Variants in SLC38A6 observed in about 807,000 individuals in gnomAD.
The protein encoded by SLC38A6 is N system amino acid transporter NAT-1.
Under a neutral mutation model 65.0 loss-of-function variants are expected in SLC38A6, and 73 were observed. The ratio of observed to expected loss-of-function variants is 1.12; its 90% confidence interval spans 0.93 to 1.37. SLC38A6 has a LOEUF of 1.37. SLC38A6 is among the 40% of genes most tolerant of loss of function. The pLI is 0.00. For missense variants in SLC38A6, 561 were observed against 531.1 expected, an observed-to-expected ratio of 1.06 and a Z score of -0.55; for synonymous variants, 183 against 178.8, an observed-to-expected ratio of 1.02 and a Z score of -0.19.
chr14:61,004,481 G>T (rs187493480), intron 3 of SLC38A6: 1 of 152,164 alleles, frequency 6.6e-6, no homozygotes. Context: ...CCAAATAGAC[G>T]CAATAAAAAA....
intron 1 of SLC38A6, 106 bp from the exon 2 acceptor site, chr14:60,982,402 G>A: frequency 7.0e-7 from 1 of 1,430,788 alleles, no homozygotes; most frequent in Non-Finnish European, 9.7e-7. Context: ...TACAAACCCT[G>A]GTGGTTTGCA....
At chr14:61,028,312 A>G (rs1239870631) in intron 5 of SLC38A6, among the ~76,000 whole-genome samples, 2 of 152,156 alleles carry the variant, frequency 1.3e-5, no homozygotes, top group Non-Finnish European at 2.9e-5. Context: ...CAGATAATAA[A>G]TTACATTTTA....
intron 5 of SLC38A6, among the ~76,000 whole-genome samples, chr14:61,028,902 TC>T (rs571233253): frequency 6.6e-6 from 1 of 152,154 alleles, no homozygotes; most frequent in Non-Finnish European, 1.5e-5. Context: ...ATCCTTTTTT[TC>T]CTCAAGTTAA....
At chr14:61,051,276 T>G (rs17097990) in intron 13 of SLC38A6, among the ~76,000 whole-genome samples, 1,578 of 152,280 alleles carry the variant, frequency 0.01, 27 homozygotes, top group African/African-American at 0.036. Context: ...AGTGCCAAGA[T>G]TACAGCAGGG....
At chr14:61,033,224 G>A (rs1460974416) in intron 6 of SLC38A6, among the ~76,000 whole-genome samples, 8 of 151,824 alleles carry the variant, frequency 5.3e-5, no homozygotes, top group African/African-American at 1.9e-4. Context: ...TGATACTCTT[G>A]TTCCATTCCT....
intron 8 of SLC38A6, among the ~76,000 whole-genome samples, chr14:61,039,411 C>T (rs2139747505): frequency 6.6e-6 from 1 of 152,134 alleles, no homozygotes; most frequent in East Asian, 1.9e-4. Flanking sequence ...TGCTCTGTCA[C>T]CCAGGGTGGA....
At chr14:61,071,442 G>A (rs1404926360) in intron 15 of SLC38A6, among the ~76,000 whole-genome samples, 2 of 152,084 alleles carry the variant, frequency 1.3e-5, no homozygotes, top group Admixed American at 6.6e-5. Flanking sequence ...AGTACTTTGG[G>A]AGGCTGAGGT....
intron 3 of SLC38A6, among the ~76,000 whole-genome samples, chr14:61,000,355 C>T (rs2038620393): frequency 6.6e-6 from 1 of 152,312 alleles, no homozygotes; most frequent in East Asian, 1.9e-4. Flanking sequence ...CTTGGGCAGG[C>T]CCAGTGGCTC....
At chr14:60,984,500 T>C (rs528944939) in intron 2 of SLC38A6, among the ~76,000 whole-genome samples, 5 of 151,772 alleles carry the variant, frequency 3.3e-5, no homozygotes, top group Admixed American at 1.3e-4. Flanking sequence ...TAAAAAAGTT[T>C]GGTTTTTATT....
chr14:61,038,168 A>T (rs1312397789), intron 8 of SLC38A6, among the ~76,000 whole-genome samples: 2 of 152,134 alleles, frequency 1.3e-5, no homozygotes, highest in African/African-American at 4.8e-5. Flanking sequence ...AGCATAGATA[A>T]ATTCTCATAA....
intron 3 of SLC38A6, among the ~76,000 whole-genome samples, chr14:60,991,215 A>C (rs988633010): frequency 7.2e-5 from 11 of 152,158 alleles, no homozygotes; most frequent in Non-Finnish European, 1.0e-4. Context: ...TAAAAGCAAA[A>C]ATCATTACAA....
At chr14:61,019,040 A>G (rs950899594) in intron 4 of SLC38A6, among the ~76,000 whole-genome samples, 1 of 152,168 alleles carries the variant, frequency 6.6e-6, no homozygotes, top group African/African-American at 2.4e-5. Flanking sequence ...TCAGGGTTTG[A>G]GAGTAATTGG....
At chr14:61,002,407 A>T (rs1176862490) in intron 3 of SLC38A6, among the ~76,000 whole-genome samples, 1 of 152,216 alleles carries the variant, frequency 6.6e-6, no homozygotes, top group Non-Finnish European at 1.5e-5. Context: ...ATAAGGGTAC[A>T]TTCCCAATGG....
In SLC38A6 at chr14:60,991,797, C is replaced by A. The variant is rs151043152; in HGVS notation, c.310+6994C>A. ...GGAAGGAGGATCTACCTTTCTGTTC[C>A]ATTATTCTTGTGTGTGCCTTCCCCA... On this transcript the variant is annotated intron_variant, in intron 3 of 15. Coordinates refer to ENST00000267488, the MANE Select transcript of SLC38A6 (RefSeq NM_153811.3). Among the ~76,000 whole-genome samples the A allele has an allele frequency of 1.9e-3, 294 of 152,244 alleles. 8 individuals are homozygous for A. In the East Asian group the frequency reaches 0.05, roughly 26 times the overall value.
At chr14:60,983,390 A>G (rs1299411469) in intron 2 of SLC38A6, among the ~76,000 whole-genome samples, 2 of 152,068 alleles carry the variant, frequency 1.3e-5, no homozygotes, top group African/African-American at 4.8e-5. Context: ...ACTTGGGAGG[A>G]CTGCTTGAGC....
At chr14:61,076,937 T>C (rs1025553523) in intron 15 of SLC38A6, among the ~76,000 whole-genome samples, 2 of 152,244 alleles carry the variant, frequency 1.3e-5, no homozygotes, top group Non-Finnish European at 1.5e-5. Flanking sequence ...CATTTCTGTG[T>C]TCTGTGACTT....
At chr14:61,001,093 C>T (rs1165958046) in intron 3 of SLC38A6, among the ~76,000 whole-genome samples, 3 of 152,048 alleles carry the variant, frequency 2.0e-5, no homozygotes, top group Non-Finnish European at 2.9e-5. Flanking sequence ...ATGAGTGGTT[C>T]TAAACTGGAC....
intron 6 of SLC38A6, among the ~76,000 whole-genome samples, chr14:61,036,015 A>C (rs1387248599): frequency 6.6e-6 from 1 of 151,998 alleles, no homozygotes; most frequent in African/African-American, 2.4e-5. Flanking sequence ...TTTATATGAA[A>C]ATTTTAATAT....
intron 6 of SLC38A6, among the ~76,000 whole-genome samples, chr14:61,034,689 T>G (rs1359568306): frequency 6.6e-6 from 1 of 152,178 alleles, no homozygotes; most frequent in African/African-American, 2.4e-5. Context: ...ACACGTTGAG[T>G]ATCATTTTTG....
Sources: gnomAD v4.1 joint callset for allele counts (sites outside exome capture counted in the v4.1 genomes callset) on GRCh38, gnomAD v4.1.1 for gene constraint, MANE v1.5 for transcripts, NCBI Gene and HGNC (gene_info 2026-07-23, HGNC 2026-07-21) for gene names.